The following FKBP5 variants were observed in gnomAD, a reference collection of about 807,000 sequenced individuals.
FKBP5 encodes FKBP prolyl isomerase 5, also known as peptidyl-prolyl cis-trans isomerase FKBP5.
Under a neutral mutation model 50.5 loss-of-function variants are expected in FKBP5, and 23 were observed. That is an observed-to-expected ratio of 0.46 (90% CI 0.33 to 0.65). The LOEUF (loss-of-function observed/expected upper bound fraction) is 0.65, where lower values mean the gene tolerates loss of function less well. FKBP5 is among the 30% of genes least tolerant of loss of function. FKBP5 has a pLI of 0.02. For synonymous variants in FKBP5, 176 were observed against 190.6 expected (o/e 0.92, Z 0.63); for missense variants, 411 against 553.1 (o/e 0.74, Z 2.58).
At chr6:35,641,522 G>GC (rs1352729743) in intron 2 of FKBP5, among the ~76,000 whole-genome samples, 2 of 152,222 alleles carry the variant, frequency 1.3e-5, no homozygotes, top group Non-Finnish European at 2.9e-5. Context: ...GAACTTTTCG[G>GC]CCCCATTATA....
At chr6:35,626,633 A>G (rs1452763420) in intron 3 of FKBP5, among the ~76,000 whole-genome samples, 1 of 152,242 alleles carries the variant, frequency 6.6e-6, no homozygotes, top group Non-Finnish European at 1.5e-5. Flanking sequence ...ATACCCATTA[A>G]GCATTTCCTC....
Position 35,597,359 on chromosome 6 carries a change from T to A in FKBP5, c.554A>T (p.Asp185Val). The change falls in exon 6 of 11, where the codon GAT (aspartate) becomes GTT (valine). Residue 185 changes from aspartate to valine, a missense_variant. Physicochemically the swap from Asp to Val is radical, Grantham distance 152. Coordinates refer to ENST00000357266, the MANE Select transcript of FKBP5 (RefSeq NM_004117.4). Reference sequence around the variant, plus strand: ...TCCTTCGCCCACAGTGAATGCCACATCTCTGCAGTCAAACATCCTTCCACC... The same window carrying A: ...TCCTTCGCCCACAGTGAATGCCACAACTCTGCAGTCAAACATCCTTCCACC... ...RCGGRMFDCRDVAFTVGEGED... is the reference protein window; with the variant it reads ...RCGGRMFDCRVVAFTVGEGED... 1 of 1,614,158 alleles carries A rather than the reference T, an allele frequency of 6.2e-7. No homozygotes were observed. Among genetic ancestry groups the A allele is most frequent in the South Asian group, 1.1e-5 (1 of 91,086 alleles).
chr6:35,725,955 A>G (rs1463394535), intron 1 of FKBP5, among the ~76,000 whole-genome samples: 2 of 152,184 alleles, frequency 1.3e-5, no homozygotes, highest in East Asian at 1.9e-4. Context: ...TTGCAACCAC[A>G]GGAAACCTAC....
intron 2 of FKBP5, among the ~76,000 whole-genome samples, chr6:35,638,470 ATGCGGTGGTAC>A (rs1764381227): frequency 6.6e-6 from 1 of 152,208 alleles, no homozygotes; most frequent in African/African-American, 2.4e-5. Context: ...GCTAGAGTGC[ATGCGGTGGTAC>A]AATCATAGCT....
chr6:35,655,996 T>C (rs1359019656), intron 1 of FKBP5, among the ~76,000 whole-genome samples: 1 of 152,212 alleles, frequency 6.6e-6, no homozygotes, highest in African/African-American at 2.4e-5. Flanking sequence ...TATTTGAGTA[T>C]ACATTAACTA....
chr6:35,586,390 T>C (rs921037830), intron 8 of FKBP5: 9 of 985,160 alleles, frequency 9.1e-6, no homozygotes, highest in Non-Finnish European at 1.1e-5. Context: ...AAGCAATCAA[T>C]ACTCTCCTGT....
At chr6:35,585,964 A>G in intron 8 of FKBP5, 2 of 984,796 alleles carry the variant, frequency 2.0e-6, no homozygotes, top group Non-Finnish European at 2.4e-6. Context: ...TTGTAACTTA[A>G]TAATAGCATG....
intron 1 of FKBP5, among the ~76,000 whole-genome samples, chr6:35,655,090 C>T (rs963380089): frequency 2.6e-5 from 4 of 151,930 alleles, no homozygotes; most frequent in African/African-American, 4.8e-5. Context: ...GGGAGGCTGA[C>T]GTGGGCAGAT....
intron 3 of FKBP5, among the ~76,000 whole-genome samples, chr6:35,626,794 G>T (rs116650942): frequency 0.027 from 4,144 of 152,242 alleles, 169 homozygotes; most frequent in African/African-American, 0.094. Context: ...GTTCGTCCAT[G>T]TTGTAGCATC....
chr6:35,624,994 A>G (rs1304044192), intron 3 of FKBP5, among the ~76,000 whole-genome samples: 1 of 152,224 alleles, frequency 6.6e-6, no homozygotes, highest in Non-Finnish European at 1.5e-5. Context: ...CAGAATGGAG[A>G]GCATCAATTA....
chr6:35,581,270 A>G (rs1762419723), intron 8 of FKBP5: 1 of 437,174 alleles, frequency 2.3e-6, no homozygotes, highest in Non-Finnish European at 3.0e-6. Flanking sequence ...ATATAAACAT[A>G]TATAATATAT....
intron 1 of FKBP5, among the ~76,000 whole-genome samples, chr6:35,653,058 T>C (rs1240860621): frequency 2.0e-5 from 3 of 152,112 alleles, no homozygotes; most frequent in African/African-American, 7.2e-5. Context: ...GGAGTATTGA[T>C]AGACATAAAG....
At chr6:35,717,174 T>C (rs970404340) in intron 2 of FKBP5, among the ~76,000 whole-genome samples, 2 of 152,100 alleles carry the variant, frequency 1.3e-5, no homozygotes, top group Non-Finnish European at 2.9e-5. Context: ...TAGGAAAAAT[T>C]AATAGAAAAG....
chr6:35,641,910 T>G (rs1460514301), intron 2 of FKBP5, among the ~76,000 whole-genome samples: 1 of 151,760 alleles, frequency 6.6e-6, no homozygotes, highest in African/African-American at 2.4e-5. Context: ...GCAGAATTGC[T>G]TGAATCCAGG....
intron 3 of FKBP5, among the ~76,000 whole-genome samples, chr6:35,623,390 A>C (rs1240488460): frequency 6.6e-6 from 1 of 152,238 alleles, no homozygotes; most frequent in Non-Finnish European, 1.5e-5. Context: ...TGGGTGTATA[A>C]TACTACAATC....
chr6:35,633,088 C>T (rs1377578028), intron 3 of FKBP5, among the ~76,000 whole-genome samples: 1 of 151,978 alleles, frequency 6.6e-6, no homozygotes, highest in East Asian at 1.9e-4. Context: ...ATACTAGAAT[C>T]CCCAAATTAG....
At chr6:35,653,751 C>T (rs1764876019) in intron 1 of FKBP5, among the ~76,000 whole-genome samples, 2 of 152,040 alleles carry the variant, frequency 1.3e-5, no homozygotes, top group Non-Finnish European at 2.9e-5. Context: ...AAGGAGATGA[C>T]AGAAGCCAAA....
At chr6:35,591,257 T>C (rs758380721) in intron 6 of FKBP5, 37 bp from the exon 7 acceptor site, 7 of 1,413,450 alleles carry the variant, frequency 5.0e-6, no homozygotes, top group Admixed American at 1.7e-5. Context: ...TTTAAAAGGA[T>C]TGGTGTATTT....
rs951353093 is a variant in FKBP5, at chr6:35,673,301, G to C, written c.-20+15503C>G. On this transcript the variant is annotated intron_variant, in intron 1 of 10. Coordinates refer to ENST00000357266, the MANE Select transcript of FKBP5 (RefSeq NM_004117.4). ...GCCGTGGCTCCTGCCTGTAATCCCA[G>C]CACTTTGGGAGGCCAGGGCAGGCAG... is the stretch of plus-strand genomic sequence containing the variant. Among the ~76,000 whole-genome samples, 5 of 152,292 alleles carry C rather than the reference G, an allele frequency of 3.3e-5. No homozygotes were observed. The East Asian group carries it at 9.7e-4, about 29-fold the overall frequency.
Sources: allele counts gnomAD v4.1 joint callset (sites outside exome capture counted in the v4.1 genomes callset), GRCh38; gene constraint gnomAD v4.1.1; transcripts MANE v1.5; gene names NCBI Gene and HGNC (gene_info 2026-07-23, HGNC 2026-07-21).